Variants in RALYL observed in about 807,000 individuals in gnomAD.
RALYL encodes the protein RNA-binding Raly-like protein.
RALYL carries 29 observed loss-of-function variants against 35.1 expected under a neutral mutation model. The ratio of observed to expected loss-of-function variants is 0.83; its 90% CI spans 0.61 to 1.13. The LOEUF is 1.13. RALYL is among the 50% of genes most tolerant of loss of function. RALYL has a pLI of 0.00. For synonymous variants in RALYL, 120 were observed against 127.6 expected (o/e 0.94, Z 0.40); for missense variants, 359 against 360.4 (o/e 1.00, Z 0.03).
intron 2 of RALYL, among the ~76,000 whole-genome samples, chr8:84,704,822 C>G (rs1244681679): frequency 6.6e-6 from 1 of 152,052 alleles, no homozygotes; most frequent in Admixed American, 6.6e-5. Flanking sequence ...AAAAAAAAAT[C>G]CTTTACACTG....
chr8:84,207,016 A>G (rs1308540820), intron 1 of RALYL, among the ~76,000 whole-genome samples: 3 of 152,166 alleles, frequency 2.0e-5, no homozygotes, highest in Non-Finnish European at 2.9e-5. Flanking sequence ...GACCAAAAAG[A>G]TAAGTGCTGG....
chr8:84,883,722 A>G (rs904627945), intron 7 of RALYL, among the ~76,000 whole-genome samples: 2 of 152,060 alleles, frequency 1.3e-5, no homozygotes, highest in African/African-American at 4.8e-5. Flanking sequence ...ACATAGAACT[A>G]AAAAGGCTGT....
chr8:84,810,568 A>G (rs1361365945), intron 4 of RALYL, among the ~76,000 whole-genome samples: 1 of 152,130 alleles, frequency 6.6e-6, no homozygotes, highest in Non-Finnish European at 1.5e-5. Flanking sequence ...TGACCTGTCT[A>G]GTGCTGTCAG....
At chr8:84,660,480 T>G (rs1003158612) in intron 2 of RALYL, among the ~76,000 whole-genome samples, 2 of 152,038 alleles carry the variant, frequency 1.3e-5, no homozygotes, top group South Asian at 2.1e-4. Flanking sequence ...TTCATTTAAT[T>G]TATATTTTCC....
chr8:84,783,348 G>A (rs111414777), intron 3 of RALYL, among the ~76,000 whole-genome samples: 21 of 152,264 alleles, frequency 1.4e-4, no homozygotes, highest in African/African-American at 5.1e-4. Flanking sequence ...CCAAAATGTG[G>A]TGCACATCAC....
At chr8:84,689,130 A>G (rs1015617235) in intron 2 of RALYL, among the ~76,000 whole-genome samples, 61 of 152,020 alleles carry the variant, frequency 4.0e-4, no homozygotes, top group African/African-American at 1.4e-3. Context: ...CACAATGTGC[A>G]GGTTAGTTAC....
In RALYL at chr8:84,840,130, C is replaced by T. The variant is rs186199843; in HGVS notation, c.366-9850C>T. On this transcript the variant is annotated intron_variant, in intron 4 of 8. Transcript: ENST00000521268. The stretch of plus-strand genomic sequence containing the variant: ...AAAGCTGGACAGGGAATGACTTTGA[C>T]GAGTTGAGAGAATAAGGCTTCAGAC... Among the ~76,000 whole-genome samples the T allele has an allele frequency of 2.9e-3, 447 of 152,102 alleles. 3 individuals carry two copies. The highest frequency in any genetic ancestry group is 7.8e-3 in the Admixed American group (120 of 15,294).
intron 2 of RALYL, among the ~76,000 whole-genome samples, chr8:84,552,108 T>C (rs2060763365): frequency 7.2e-6 from 1 of 138,854 alleles, no homozygotes; most frequent in East Asian, 2.1e-4. Context: ...CAGAAACTTT[T>C]AGGAGAGGAA....
chr8:84,340,588 T>C (rs1390692119), intron 1 of RALYL, among the ~76,000 whole-genome samples: 1 of 152,154 alleles, frequency 6.6e-6, no homozygotes, highest in Non-Finnish European at 1.5e-5. Context: ...TCCAGGTTCA[T>C]CCATGTCATC....
intron 4 of RALYL, among the ~76,000 whole-genome samples, chr8:84,826,691 A>T (rs72681054): frequency 0.13 from 19,505 of 151,870 alleles, 1,669 homozygotes; most frequent in Non-Finnish European, 0.19. Flanking sequence ...AATGAGGCCC[A>T]CCAGTCGATA....
intron 2 of RALYL, among the ~76,000 whole-genome samples, chr8:84,719,891 A>G (rs1843577671): frequency 1.3e-5 from 2 of 152,260 alleles, no homozygotes; most frequent in South Asian, 4.1e-4. Context: ...GACCATATAT[A>G]CAGTTAATCA....
At chr8:84,210,059 T>C (rs1026089602) in intron 1 of RALYL, among the ~76,000 whole-genome samples, 1 of 152,126 alleles carries the variant, frequency 6.6e-6, no homozygotes, top group Non-Finnish European at 1.5e-5. Flanking sequence ...ATCACTGGAA[T>C]TAAATGTGTG....
intron 2 of RALYL, among the ~76,000 whole-genome samples, chr8:84,657,752 G>A (rs1830220200): frequency 1.3e-5 from 2 of 152,166 alleles, no homozygotes; most frequent in South Asian, 4.1e-4. Context: ...AGGAAACTGT[G>A]GACCTAGCTC....
chr8:84,373,998 G>T (rs78450290), intron 1 of RALYL, among the ~76,000 whole-genome samples: 4,962 of 151,968 alleles, frequency 0.033, 127 homozygotes, highest in Middle Eastern at 0.054. Context: ...TTGTGATTTG[G>T]ATATGAGCTT....
chr8:84,604,096 AATT>A (rs1232273856), intron 2 of RALYL, among the ~76,000 whole-genome samples: 2 of 152,114 alleles, frequency 1.3e-5, no homozygotes, highest in Non-Finnish European at 2.9e-5. Context: ...TTATCTTACC[AATT>A]AAAAATGAAT....
chr8:84,291,279 G>T (rs1468979115), intron 1 of RALYL, among the ~76,000 whole-genome samples: 1 of 152,178 alleles, frequency 6.6e-6, no homozygotes, highest in Non-Finnish European at 1.5e-5. Flanking sequence ...AAAGACTTGT[G>T]AGAAACACTG....
At chr8:84,603,354 A>G (rs779288598) in intron 2 of RALYL, among the ~76,000 whole-genome samples, 22 of 152,226 alleles carry the variant, frequency 1.4e-4, no homozygotes, top group Non-Finnish European at 2.5e-4. Flanking sequence ...TTACCTAAAA[A>G]GCTTCCTCCT....
intron 1 of RALYL, among the ~76,000 whole-genome samples, chr8:84,380,708 G>T (rs1857810531): frequency 6.6e-6 from 1 of 151,880 alleles, no homozygotes; most frequent in Admixed American, 6.6e-5. Flanking sequence ...ACTTAAAATA[G>T]GCCAGCATCA....
chr8:84,406,721 G>T (rs2043535964), intron 1 of RALYL, among the ~76,000 whole-genome samples: 1 of 152,054 alleles, frequency 6.6e-6, no homozygotes, highest in African/African-American at 2.4e-5. Context: ...GGAGTCTAAG[G>T]CATGTTGAAA....
Sources: allele counts gnomAD v4.1 joint callset (sites outside exome capture counted in the v4.1 genomes callset), GRCh38; gene constraint gnomAD v4.1.1; transcripts MANE v1.5; gene names NCBI Gene and HGNC (gene_info 2026-07-23, HGNC 2026-07-21).